SPOUT1: variants seen among roughly 807,000 people sequenced by gnomAD.
SPOUT1 encodes the protein 28S rRNA (uridine-N(3))-methyltransferase.
A neutral mutation model predicts 54.8 loss-of-function variants in SPOUT1; 40 were observed. The observed-to-expected ratio is 0.73, with a 90% CI of 0.57 to 0.95. SPOUT1 has a LOEUF of 0.95. Ranked by LOEUF, SPOUT1 falls within the 40% of genes least tolerant of loss-of-function variation. The pLI is 0.00. For synonymous variants in SPOUT1, 193 were observed against 200.3 expected, an observed-to-expected ratio of 0.96 and a Z score of 0.31; for missense variants, 437 against 499.5, an observed-to-expected ratio of 0.87 and a Z score of 1.19.
rs766016289 is a variant in SPOUT1 at position 128,824,155 on chromosome 9, G to C, written c.831C>G (p.Ala277=). Residue 277 remains alanine (A), a synonymous_variant, in exon 10 of 12, where the codon GCC becomes GCG. Transcript: ENST00000361256. ...ASCLSAVFAE[A]PFQDGYDLTI... ...TCAGGTCATACCCATCTTGGAAGGG[G>C]GCCTCAGCAAACACAGCACCTGGGG... 1 of 1,613,006 alleles carries C rather than the reference G, an allele frequency of 6.2e-7. No homozygotes were observed. The highest frequency in any genetic ancestry group is 2.2e-5 in the East Asian group (1 of 44,872).
rs1589590427 is a variant in SPOUT1, at chr9:128,821,846, T to C, written c.*919A>G. 1 of 173,468 alleles carries C rather than the reference T, an allele frequency of 5.8e-6. No homozygotes were observed. Among genetic ancestry groups the C allele is most frequent in the Admixed American group, 5.5e-5 (1 of 18,134 alleles). The allele number at this position is 173,468 out of a possible 1,614,324, so 10.7% of individuals were successfully genotyped here. On this transcript the variant is annotated 3_prime_UTR_variant, in exon 12 of 12. Transcript: ENST00000361256. ...GCTCGGCATAGGCTGGCCAAGGCGG[T>C]GGTTGGGGCACTGATCAAATTTCAT...
intron 7 of SPOUT1, among the ~76,000 whole-genome samples, chr9:128,825,332 TTC>T (rs1830219700): frequency 6.6e-6 from 1 of 151,244 alleles, no homozygotes; most frequent in Non-Finnish European, 1.5e-5. Flanking sequence ...CAACTTTTTT[TTC>T]TTTTTTTTCT....
In SPOUT1 at chr9:128,824,781, A is replaced by ATCCT; in HGVS notation, c.800_801insAGGA (p.Ser268GlyfsTer10). 6.2e-7 allele frequency: 1 copy of ATCCT among 1,612,594 alleles called. No homozygotes were observed. The highest frequency in any genetic ancestry group is 2.2e-5 in the East Asian group (1 of 44,870). On this transcript the variant is annotated frameshift_variant, in exon 9 of 12. Transcript: ENST00000361256. LOFTEE classifies it high-confidence loss of function. ...AAGGTCTGTCCTTACTGAGGCAGGA[A>ATCCT]GCCAGTCGGACGGTGTAGCCCCAGT...
Position 128,820,551 on chromosome 9 carries a change from G to C in SPOUT1, c.*2214C>G, listed in dbSNP as rs745414677. 1.7e-5 allele frequency: 10 copies of C among 594,172 alleles called. No individual in the cohort carries two copies. Among genetic ancestry groups the C allele is most frequent in the Non-Finnish European group, 2.7e-5 (9 of 332,626 alleles). The allele number at this position is 594,172 out of a possible 1,614,324, so 36.8% of individuals were successfully genotyped here. On this transcript the variant is annotated 3_prime_UTR_variant, in exon 12 of 12. Transcript: ENST00000361256. Reference sequence around the variant, plus strand: ...ACCTGGGCTGTGGGAGGGACAGAGGGTGGTGGCTAGCACTCTATCAGCCCT... The same window carrying C: ...ACCTGGGCTGTGGGAGGGACAGAGGCTGGTGGCTAGCACTCTATCAGCCCT...
In SPOUT1 at chr9:128,822,232, C is replaced by G; in HGVS notation, c.*533G>C. 2.1e-6 allele frequency: 3 copies of G among 1,461,920 alleles called. No homozygotes were observed. The South Asian group carries it at 4.0e-5, about 19-fold the overall frequency. The allele number at this position is 1,461,920 out of a possible 1,614,324, so 90.6% of individuals were successfully genotyped here. The stretch of plus-strand genomic sequence containing the variant: ...GTGAGGGCGTGGTCCTGCAGGTTGA[C>G]AGAAGTTAGAGGACAGATCAGGGAA... On this transcript the variant is annotated 3_prime_UTR_variant, in exon 12 of 12. Transcript: ENST00000361256.
chr9:128,828,283 G>A (rs1830278874), intron 3 of SPOUT1, among the ~76,000 whole-genome samples: 2 of 152,168 alleles, frequency 1.3e-5, no homozygotes, highest in African/African-American at 4.8e-5. Context: ...ATCACCTGAG[G>A]TCAGGAGTTC....
Position 128,826,042 on chromosome 9 carries a change from C to CA in SPOUT1, c.618dup (p.Val207CysfsTer12). The CA allele has an allele frequency of 6.2e-7, 1 of 1,614,170 alleles. No homozygotes were observed. ...CCTACCTTTTTCATGCCACAGTTGA[C>CA]AAAGGAGCCGTGGCCTGGCCGGGTG... On this transcript the variant is annotated frameshift_variant, in exon 7 of 12. Coordinates refer to ENST00000361256, the MANE Select transcript of SPOUT1 (RefSeq NM_016390.4). LOFTEE classifies it high-confidence loss of function. The surrounding 1 kb of genome is among the most constrained non-coding windows in gnomAD (Gnocchi z 5.5).
chr9:128,825,817 T>A (rs944895648), intron 7 of SPOUT1, among the ~76,000 whole-genome samples: 2 of 152,222 alleles, frequency 1.3e-5, no homozygotes, highest in African/African-American at 4.8e-5. Flanking sequence ...ATGAGGACTG[T>A]CTTCTGTTGA....
intron 7 of SPOUT1, among the ~76,000 whole-genome samples, 191 bp downstream of exon 7, chr9:128,825,831 G>C (rs1466040125): frequency 1.5e-4 from 23 of 152,174 alleles, no homozygotes; most frequent in Non-Finnish European, 1.5e-5. Flanking sequence ...CTGTTGATTT[G>C]CTTTTTAAGC....
Position 128,826,928 on chromosome 9 carries a change from A to T in SPOUT1, c.368+104T>A. The T allele has an allele frequency of 8.2e-7, 1 of 1,219,840 alleles. No individual in the cohort carries two copies. Among genetic ancestry groups the T allele is most frequent in the Non-Finnish European group, 1.2e-6 (1 of 853,198 alleles). 75.6% of individuals were successfully genotyped at this position (1,219,840 alleles called of 1,614,324 possible). ...CAGGGAATATTTCAGGCAGGGCACG[A>T]GGGAAGAGCCAGGCATGTGGACGGG... On this transcript the variant is annotated intron_variant, in intron 4 of 11. Coordinates refer to ENST00000361256, the MANE Select transcript of SPOUT1 (RefSeq NM_016390.4). The surrounding 1 kb of genome is among the most constrained non-coding windows in gnomAD (Gnocchi z 5.5).
chr9:128,820,641 C>A lies in SPOUT1; in HGVS notation c.*2124G>T. The A allele has an allele frequency of 1.0e-6, 1 of 981,996 alleles. No individual in the cohort carries two copies. The highest frequency in any genetic ancestry group is 1.4e-5 in the South Asian group (1 of 68,992). 60.8% of individuals were successfully genotyped at this position (981,996 alleles called of 1,614,324 possible). Reference sequence around the variant, plus strand: ...TCCCCCCGCTTGTCTCACTGGATATCTCTGAGCCTGTCCATCCCCTCAGGA... The same window carrying A: ...TCCCCCCGCTTGTCTCACTGGATATATCTGAGCCTGTCCATCCCCTCAGGA... On this transcript the variant is annotated 3_prime_UTR_variant, in exon 12 of 12. Coordinates refer to ENST00000361256, the MANE Select transcript of SPOUT1 (RefSeq NM_016390.4).
rs538575795 is a variant in SPOUT1 at position 128,822,721 on chromosome 9, G to A, written c.*44C>T. Reference sequence around the variant, plus strand: ...GTCCCAAGTGACCTGCAGAGCCCCTGGTTTCACTGCTGCTTCACTGATGTC... The same window carrying A: ...GTCCCAAGTGACCTGCAGAGCCCCTAGTTTCACTGCTGCTTCACTGATGTC... On this transcript the variant is annotated 3_prime_UTR_variant, in exon 12 of 12. Coordinates refer to ENST00000361256, the MANE Select transcript of SPOUT1 (RefSeq NM_016390.4). The A allele has an allele frequency of 3.2e-6, 5 of 1,556,476 alleles. No individual in the cohort carries two copies. The South Asian group carries it at 3.5e-5, about 11-fold the overall frequency.
In SPOUT1 at chr9:128,829,166, A is replaced by C. The variant is rs777567150; in HGVS notation, c.37-11T>G. On this transcript the variant is annotated splice_polypyrimidine_tract_variant and intron_variant, in intron 1 of 11. Coordinates refer to ENST00000361256, the MANE Select transcript of SPOUT1 (RefSeq NM_016390.4). ...TTGGCCGTGTTCACCCTGGAGAAGG[A>C]GTGGTAGGAGGATTATGAGTGTGAG... is the stretch of plus-strand genomic sequence containing the variant. 1.6e-5 allele frequency: 25 copies of C among 1,612,512 alleles called. No individual in the cohort carries two copies. In the East Asian group the frequency reaches 5.6e-4, roughly 36 times the overall value.
Position 128,822,244 on chromosome 9 carries a change from G to A in SPOUT1, c.*521C>T. On this transcript the variant is annotated 3_prime_UTR_variant, in exon 12 of 12. Transcript: ENST00000361256. ...TCCTGCAGGTTGACAGAAGTTAGAGGACAGATCAGGGAAGGCTGCCTGGAA... is the reference window on the plus strand; with the variant it reads ...TCCTGCAGGTTGACAGAAGTTAGAGAACAGATCAGGGAAGGCTGCCTGGAA... 7 of 1,517,324 alleles carry A rather than the reference G, an allele frequency of 4.6e-6. No homozygotes were observed. Among genetic ancestry groups the A allele is most frequent in the Non-Finnish European group, 6.2e-6 (7 of 1,127,248 alleles). 94.0% of individuals were successfully genotyped at this position (1,517,324 alleles called of 1,614,324 possible).
Position 128,821,202 on chromosome 9 carries a change from A to C in SPOUT1, c.*1563T>G. ...CCAAGCTCTCCCACCTTCCCCCCGC[A>C]GGTCTGCAGTGCACCAAGCTCTCCC... On this transcript the variant is annotated 3_prime_UTR_variant, in exon 12 of 12. Coordinates refer to ENST00000361256, the MANE Select transcript of SPOUT1 (RefSeq NM_016390.4). 3.3e-6 allele frequency: 1 copy of C among 303,476 alleles called. No homozygotes were observed. The highest frequency in any genetic ancestry group is 6.4e-6 in the Non-Finnish European group (1 of 156,830). The allele number at this position is 303,476 out of a possible 1,614,324, so 18.8% of individuals were successfully genotyped here. A position where few individuals can be genotyped will look rare whatever the true frequency, so the allele number is the denominator to read the frequency against.
In SPOUT1 at chr9:128,820,704, G is replaced by A. The variant is rs756711819; in HGVS notation, c.*2061C>T. 46 of 1,569,184 alleles carry A rather than the reference G, an allele frequency of 2.9e-5. No homozygotes were observed. The highest frequency in any genetic ancestry group is 3.3e-4 in the Middle Eastern group (2 of 6,026). ...CTCTGATAGAGGAGGAAGGGTCCCA[G>A]CCACAGTCCTGCTAAGCCCTATCTC... On this transcript the variant is annotated 3_prime_UTR_variant, in exon 12 of 12. Transcript: ENST00000361256.
intron 3 of SPOUT1, among the ~76,000 whole-genome samples, chr9:128,827,589 C>G (rs1002622021): frequency 1.3e-5 from 2 of 152,278 alleles, no homozygotes; most frequent in African/African-American, 4.8e-5. Context: ...TCCCCATTTA[C>G]AGACCAGGGG....
At chr9:128,824,363 G>C (rs1447969735) in intron 9 of SPOUT1, among the ~76,000 whole-genome samples, 189 bp from the exon 10 acceptor site, 1 of 151,722 alleles carries the variant, frequency 6.6e-6, no homozygotes, top group Non-Finnish European at 1.5e-5. Flanking sequence ...TTGAGGCAGG[G>C]GTGTGTGTGT....
At position 128,826,382 on chromosome 9, in the gene SPOUT1, AC is replaced by A. The variant is rs1330523378; in HGVS notation, c.508+1del. On this transcript the variant is annotated splice_donor_variant, in intron 6 of 11. Coordinates refer to ENST00000361256, the MANE Select transcript of SPOUT1 (RefSeq NM_016390.4). LOFTEE classifies it high-confidence loss of function. This position sits in a 1 kb window ranked among gnomAD's most constrained non-coding sequence, Gnocchi z 5.5. ...TGGGGGGGCGGGCCCATACAGCGTT[AC>A]CTGCAAACTGTAGATCCTGGTGCTT... The A allele has an allele frequency of 6.2e-7, 1 of 1,613,858 alleles. No individual in the cohort carries two copies. The highest frequency in any genetic ancestry group is 1.3e-5 in the African/African-American group (1 of 74,902).
Sources: allele counts gnomAD v4.1 joint callset (sites outside exome capture counted in the v4.1 genomes callset), GRCh38; gene constraint gnomAD v4.1.1; non-coding constraint Gnocchi (gnomAD v3.1); transcripts MANE v1.5; gene names NCBI Gene and HGNC (gene_info 2026-07-23, HGNC 2026-07-21).